The following PXK variants were observed in gnomAD, a reference collection of about 807,000 sequenced individuals.
PXK encodes the protein PX domain-containing protein kinase-like protein.
In PXK, 35 loss-of-function variants were observed where a neutral mutation model predicts 84.7. The observed-to-expected ratio is 0.41, with a 90% CI of 0.32 to 0.55. PXK has a LOEUF of 0.55. Ranked by LOEUF, PXK falls within the 20% of genes least tolerant of loss-of-function variation. The probability of loss-of-function intolerance (pLI) is 0.21; values close to 1 mark genes in which losing one functional copy is unlikely to be tolerated. For missense variants in PXK, 634 were observed against 699.7 expected, an observed-to-expected ratio of 0.91 and a Z score of 1.06; for synonymous variants, 253 against 260.8, an observed-to-expected ratio of 0.97 and a Z score of 0.29.
chr3:58,339,123 T>C (rs1357640944), intron 1 of PXK, among the ~76,000 whole-genome samples: 1 of 152,180 alleles, frequency 6.6e-6, no homozygotes, highest in African/African-American at 2.4e-5. Context: ...AGTTGAAAGC[T>C]TTTAGGTACT....
At chr3:58,404,686 C>T (rs936911350) in intron 13 of PXK, among the ~76,000 whole-genome samples, 3 of 152,154 alleles carry the variant, frequency 2.0e-5, no homozygotes, top group African/African-American at 7.2e-5. Flanking sequence ...TGGCTCTTGG[C>T]AGTGCTCACT....
intron 7 of PXK, among the ~76,000 whole-genome samples, chr3:58,394,571 A>G (rs2057341198): frequency 6.6e-6 from 1 of 152,222 alleles, no homozygotes; most frequent in Admixed American, 6.5e-5. Flanking sequence ...GAGCAAAGAC[A>G]CATTGATCCT....
At chr3:58,334,092 C>A (rs1158179060) in intron 1 of PXK, among the ~76,000 whole-genome samples, 1 of 152,082 alleles carries the variant, frequency 6.6e-6, no homozygotes, top group African/African-American at 2.4e-5. Context: ...TTTGGGGGGT[C>A]ATCATCTGGA....
rs1011576581 is a variant in PXK at position 58,390,747 on chromosome 3, A to C, written c.466+88A>C. On this transcript the variant is annotated intron_variant, in intron 5 of 17. Transcript: ENST00000356151. The surrounding 1 kb of genome is among the most constrained non-coding windows in gnomAD (Gnocchi z 4.2). The stretch of plus-strand genomic sequence containing the variant: ...GCTTTCTGATACGTATCCCAGGAAC[A>C]TGCTTAAATGCAGGTGACTTCTTTT... 1.8e-5 allele frequency: 22 copies of C among 1,250,220 alleles called. No homozygotes were observed. The South Asian group carries it at 3.0e-4, about 17-fold the overall frequency. 77.4% of individuals were successfully genotyped at this position (1,250,220 alleles called of 1,614,324 possible). A position where few individuals can be genotyped will look rare whatever the true frequency, so the allele number is the denominator to read the frequency against.
rs1458395382 is a variant in PXK at position 58,333,502 on chromosome 3, C to T, written c.102+412C>T. ...CTTTTTGAGGCCGTGTAATTTCCTC[C>T]TTGCAGCTGAGGGTCTGGGTGATGG... On this transcript the variant is annotated intron_variant, in intron 1 of 17. Coordinates refer to ENST00000356151, the MANE Select transcript of PXK (RefSeq NM_017771.5). The surrounding 1 kb of genome is among the most constrained non-coding windows in gnomAD (Gnocchi z 5.4). 4.4e-6 allele frequency: 2 copies of T among 456,216 alleles called. No individual in the cohort carries two copies. Among genetic ancestry groups the T allele is most frequent in the Admixed American group, 2.4e-5 (1 of 42,524 alleles). The allele number at this position is 456,216 out of a possible 1,614,324, so 28.3% of individuals were successfully genotyped here. A position where few individuals can be genotyped will look rare whatever the true frequency, so the allele number is the denominator to read the frequency against.
chr3:58,371,427 G>C (rs763932807), intron 3 of PXK, among the ~76,000 whole-genome samples: 21 of 152,222 alleles, frequency 1.4e-4, no homozygotes, highest in Non-Finnish European at 2.9e-4. Flanking sequence ...AGTGGTGTAA[G>C]CATTTGGGAA....
intron 17 of PXK, among the ~76,000 whole-genome samples, chr3:58,415,937 T>C (rs535734733): frequency 6.6e-6 from 1 of 152,310 alleles, no homozygotes; most frequent in South Asian, 2.1e-4. Context: ...CACAGGTAGA[T>C]TCAGAGATCT....
At chr3:58,355,979 A>T (rs2098070389) in intron 1 of PXK, among the ~76,000 whole-genome samples, 1 of 151,990 alleles carries the variant, frequency 6.6e-6, no homozygotes, top group Non-Finnish European at 1.5e-5. Context: ...CGCTGAGCTG[A>T]GATCTACCAC....
chr3:58,422,726 G>A, intron 17 of PXK: 1 of 985,366 alleles, frequency 1.0e-6, no homozygotes, highest in Non-Finnish European at 1.2e-6. Flanking sequence ...GTGCCAAGAT[G>A]GCAGCCCCTA....
intron 8 of PXK, among the ~76,000 whole-genome samples, chr3:58,395,377 C>T (rs770830209): frequency 2.0e-5 from 3 of 152,170 alleles, no homozygotes; most frequent in Non-Finnish European, 2.9e-5. Flanking sequence ...TTGTGTTTTG[C>T]GCTTAACAAA....
chr3:58,358,251 C>G lies in PXK; in HGVS notation c.103-7623C>G, dbSNP rs184530879. On this transcript the variant is annotated intron_variant, in intron 1 of 17. Transcript: ENST00000356151. ...CAGTAGATCACCACAGCATATTCTT[C>G]GTGTCTTACTTGAAACCTTCCACCA... Among the ~76,000 whole-genome samples the G allele has an allele frequency of 3.4e-3, 512 of 152,282 alleles. 2 individuals carry two copies. The highest frequency in any genetic ancestry group is 5.4e-3 in the Non-Finnish European group (370 of 68,018).
chr3:58,402,997 A>G (rs1198516029), intron 12 of PXK, among the ~76,000 whole-genome samples: 2 of 147,786 alleles, frequency 1.4e-5, no homozygotes, highest in East Asian at 2.0e-4. Flanking sequence ...ACTTTTTTGC[A>G]ATAACATACC....
rs985601039 is a variant in PXK at position 58,411,530 on chromosome 3, C to G, written c.1465+1371C>G. 3.9e-5 allele frequency among the ~76,000 whole-genome samples: 6 copies of G among 152,106 alleles called. No homozygotes were observed. Among genetic ancestry groups the G allele is most frequent in the African/African-American group, 1.4e-4 (6 of 41,412 alleles). ...TGGACCGGTCATGGTCATTATTATACTGAGACTCATGATTCCAACCAGCAG... is the reference window on the plus strand; with the variant it reads ...TGGACCGGTCATGGTCATTATTATAGTGAGACTCATGATTCCAACCAGCAG... On this transcript the variant is annotated intron_variant, in intron 16 of 17. Coordinates refer to ENST00000356151, the MANE Select transcript of PXK (RefSeq NM_017771.5). The surrounding 1 kb of genome is among the most constrained non-coding windows in gnomAD (Gnocchi z 4.2).
chr3:58,356,657 G>GC (rs2098086364), intron 1 of PXK, among the ~76,000 whole-genome samples: 1 of 151,566 alleles, frequency 6.6e-6, no homozygotes, highest in Non-Finnish European at 1.5e-5. Context: ...AGGCTGGAGT[G>GC]CAGTGGTGCA....
chr3:58,366,275 G>A (rs2098270745), intron 2 of PXK, among the ~76,000 whole-genome samples: 2 of 152,140 alleles, frequency 1.3e-5, no homozygotes, highest in Admixed American at 6.5e-5. Context: ...CAGGTAGAAA[G>A]GTGAGATTGA....
chr3:58,348,571 C>T (rs935812891), intron 1 of PXK, among the ~76,000 whole-genome samples: 3 of 152,012 alleles, frequency 2.0e-5, no homozygotes, highest in African/African-American at 4.8e-5. Flanking sequence ...ATATATTTAA[C>T]CCAATATATC....
intron 2 of PXK, among the ~76,000 whole-genome samples, chr3:58,367,596 C>G (rs184459273): frequency 2.0e-5 from 3 of 152,042 alleles, no homozygotes; most frequent in Admixed American, 2.0e-4. Flanking sequence ...ACCCAAAGAC[C>G]CGGGGAAAAC....
Position 58,425,115 on chromosome 3 carries a change from AAATAATT to A in PXK, c.*156_*162del. The A allele has an allele frequency of 1.8e-6, 2 of 1,142,558 alleles. No homozygotes were observed. Among genetic ancestry groups the A allele is most frequent in the Non-Finnish European group, 2.4e-6 (2 of 820,222 alleles). The allele number at this position is 1,142,558 out of a possible 1,614,324, so 70.8% of individuals were successfully genotyped here. A position where few individuals can be genotyped will look rare whatever the true frequency, so the allele number is the denominator to read the frequency against. ...GCTCATGTAAGCAGCTTTTCGAGAG[AAATAATT>A]CTTTAAGCAGAATAAAGTTAGGCTG... On this transcript the variant is annotated 3_prime_UTR_variant, in exon 18 of 18. Transcript: ENST00000356151.
intron 7 of PXK, among the ~76,000 whole-genome samples, chr3:58,393,750 G>A (rs1212764999): frequency 1.1e-4 from 17 of 152,150 alleles, no homozygotes; most frequent in Non-Finnish European, 7.4e-5. Context: ...AGGAGATATT[G>A]TGACACTACA....
Sources: allele counts gnomAD v4.1 joint callset (sites outside exome capture counted in the v4.1 genomes callset), GRCh38; gene constraint gnomAD v4.1.1; non-coding constraint Gnocchi (gnomAD v3.1); transcripts MANE v1.5; gene names NCBI Gene and HGNC (gene_info 2026-07-23, HGNC 2026-07-21).